Variants in CTCFL observed in about 807,000 individuals in gnomAD.
The protein encoded by CTCFL is CCCTC-binding factor like.
Under a neutral mutation model 67.4 loss-of-function variants are expected in CTCFL, and 36 were observed. The observed-to-expected ratio is 0.53, with a 90% confidence interval of 0.41 to 0.71. The LOEUF is 0.71. Ranked by LOEUF, CTCFL falls within the 30% of genes least tolerant of loss-of-function variation. CTCFL has a pLI of 0.00. For missense variants in CTCFL, 786 were observed against 835.2 expected, an observed-to-expected ratio of 0.94 and a Z score of 0.73; for synonymous variants, 324 against 302.3, an observed-to-expected ratio of 1.07 and a Z score of -0.75.
chr20:57,510,387 A>T (rs1184668617), intron 8 of CTCFL, among the ~76,000 whole-genome samples: 2 of 152,226 alleles, frequency 1.3e-5, no homozygotes, highest in Non-Finnish European at 2.9e-5. Flanking sequence ...CCAACTACAT[A>T]TTATTTCTGT....
intron 10 of CTCFL, among the ~76,000 whole-genome samples, chr20:57,499,090 G>GGGGGGGGA: frequency 7.6e-6 from 1 of 130,726 alleles, no homozygotes; most frequent in Non-Finnish European, 1.7e-5. Flanking sequence ...GGGGTGGGGG[G>GGGGGGGGA]GGGACACAGT....
At position 57,503,546 on chromosome 20, in the gene CTCFL, G is replaced by A. The variant is rs1463380537; in HGVS notation, c.1730C>T (p.Ala577Val). The change falls in exon 10 of 11, where the codon GCT becomes GTT. Residue 577 changes from alanine (A) to valine (V), a missense_variant. Ala to Val is a moderately conservative substitution (Grantham distance 64, BLOSUM62 0). Coordinates refer to ENST00000243914, the MANE Select transcript of CTCFL (RefSeq NM_001386993.1). ...TCTTGTTCTTCTTCCCTTTCCTGAAGCAGCCGACTTTGCTTCCCCTGATCC... is the reference window on the plus strand; with the variant it reads ...TCTTGTTCTTCTTCCCTTTCCTGAAACAGCCGACTTTGCTTCCCCTGATCC... Reference protein sequence around the residue: ...KCGSGEAKSAASGKGRRTRKR... With the variant: ...KCGSGEAKSAVSGKGRRTRKR... The A allele has an allele frequency of 1.2e-5, 20 of 1,613,936 alleles. No homozygotes were observed. Among genetic ancestry groups the A allele is most frequent in the African/African-American group, 2.7e-5 (2 of 74,858 alleles).
chr20:57,500,085 ATTT>A (rs3068009), intron 10 of CTCFL: 304 of 922,992 alleles, frequency 3.3e-4, no homozygotes, highest in Non-Finnish European at 3.5e-4. Context: ...TCCTTGAAGT[ATTT>A]TTTTTTTTTT....
At chr20:57,496,163 T>C (rs77380266), downstream of CTCFL, 1,116 of 446,590 alleles carry the variant, frequency 2.5e-3, 8 homozygotes, top group African/African-American at 0.02. Flanking sequence ...CACCATCCGC[T>C]TGGTGCTGTC....
rs377178593 is a variant in CTCFL, at chr20:57,512,734, A to C, written c.1349T>G (p.Leu450Trp). Residue 450 changes from leucine to tryptophan, a missense_variant, in exon 8 of 11, where the codon TTG becomes TGG. By Grantham distance (61) the Leu-to-Trp change is moderately conservative. This residue lies in a region of CTCFL where 254 missense variants were observed against 333.9 expected (regional missense o/e 0.76). Transcript: ENST00000243914. ...CAGCTCTGCAGCGCTGTAAGCATGC[A>C]AGTTGCGCATATGCACACCTAAAAT... ...KSDLRVHMRN[L>W]HAYSAAELKC... 6.2e-7 allele frequency: 1 copy of C among 1,614,228 alleles called. No individual in the cohort carries two copies.
chr20:57,501,309 G>A (rs1246904747), intron 10 of CTCFL, among the ~76,000 whole-genome samples: 1 of 151,246 alleles, frequency 6.6e-6, no homozygotes, highest in Non-Finnish European at 1.5e-5. Context: ...GTCGCGCGAA[G>A]TGCTTTTATT....
At chr20:57,506,524 G>C (rs770937725) in intron 9 of CTCFL, among the ~76,000 whole-genome samples, 1 of 152,174 alleles carries the variant, frequency 6.6e-6, no homozygotes, top group Non-Finnish European at 1.5e-5. Context: ...GGCTGGTCTT[G>C]AACTGCTGAC....
At chr20:57,504,875 G>A (rs1178475563) in intron 9 of CTCFL, among the ~76,000 whole-genome samples, 1 of 151,972 alleles carries the variant, frequency 6.6e-6, no homozygotes, top group African/African-American at 2.4e-5. Context: ...CTTGCTGCAA[G>A]ATATCCTGCC....
intron 3 of CTCFL, among the ~76,000 whole-genome samples, chr20:57,520,989 CAG>C (rs2146443294): frequency 6.6e-6 from 1 of 152,296 alleles, no homozygotes; most frequent in South Asian, 2.1e-4. Flanking sequence ...ATAACAGAGG[CAG>C]AGATTGGAGG....
At chr20:57,509,057 A>G (rs2068386680) in intron 8 of CTCFL, among the ~76,000 whole-genome samples, 1 of 152,198 alleles carries the variant, frequency 6.6e-6, no homozygotes, top group South Asian at 2.1e-4. Context: ...GTGGGAGTAC[A>G]CACCGCAGGG....
intron 10 of CTCFL, 33 bp from the exon 11 acceptor site, chr20:57,498,734 C>T (rs1332196491): frequency 1.9e-6 from 3 of 1,579,872 alleles, no homozygotes; most frequent in Non-Finnish European, 1.7e-6. Context: ...GCAAATTTAT[C>T]AGAAAGCTAA....
chr20:57,524,803 C>G (rs2069739351), intron 1 of CTCFL: 1 of 974,226 alleles, frequency 1.0e-6, no homozygotes, highest in Admixed American at 6.3e-5. Flanking sequence ...CAGACTTGGC[C>G]AAGCAGCCCT....
intron 1 of CTCFL, 126 bp from the exon 2 acceptor site, chr20:57,524,342 G>A: frequency 6.7e-7 from 1 of 1,490,218 alleles, no homozygotes; most frequent in Non-Finnish European, 8.8e-7. Flanking sequence ...AAAAGGTTTT[G>A]GACTTAGTAG....
At chr20:57,519,976 A>G (rs954495218) in intron 3 of CTCFL, among the ~76,000 whole-genome samples, 1 of 152,208 alleles carries the variant, frequency 6.6e-6, no homozygotes, top group East Asian at 1.9e-4. Flanking sequence ...CAAAGGCCAC[A>G]TGGAGATAGT....
chr20:57,523,563 T>C, intron 2 of CTCFL, 100 bp downstream of exon 2: 1 of 1,476,024 alleles, frequency 6.8e-7, no homozygotes, highest in East Asian at 2.3e-5. Context: ...GTCTTTAATT[T>C]GCAACTGCAA....
chr20:57,502,809 G>A (rs1329199227), intron 10 of CTCFL, among the ~76,000 whole-genome samples: 1 of 152,134 alleles, frequency 6.6e-6, no homozygotes, highest in Non-Finnish European at 1.5e-5. Context: ...ACCCCTAAAG[G>A]GATATGTCCA....
chr20:57,497,969 A>AT lies in CTCFL; in HGVS notation c.*580dup, dbSNP rs537597245. Reference sequence around the variant, plus strand: ...GTTTTCCTTTTTATAAGAGTAAAACATTTTTTGGTTGAATTTAGAACTAAT... The same window carrying AT: ...GTTTTCCTTTTTATAAGAGTAAAACATTTTTTTGGTTGAATTTAGAACTAAT... On this transcript the variant is annotated 3_prime_UTR_variant, in exon 11 of 11. Coordinates refer to ENST00000243914, the MANE Select transcript of CTCFL (RefSeq NM_001386993.1). The AT allele has an allele frequency of 7.5e-6, 7 of 931,070 alleles. No homozygotes were observed. The highest frequency in any genetic ancestry group is 9.0e-6 in the Non-Finnish European group (7 of 780,734). The allele number at this position is 931,070 out of a possible 1,614,324, so 57.7% of individuals were successfully genotyped here. A position where few individuals can be genotyped will look rare whatever the true frequency, so the allele number is the denominator to read the frequency against.
At chr20:57,515,245 A>G (rs1020879588) in intron 6 of CTCFL, 7 of 168,314 alleles carry the variant, frequency 4.2e-5, no homozygotes, top group African/African-American at 1.7e-4. Context: ...CCTGGGTTCA[A>G]GTGATTCTCC....
chr20:57,523,097 T>G lies in CTCFL; in HGVS notation c.725A>C (p.Lys242Thr), dbSNP rs1257167481. 2 of 1,613,762 alleles carry G rather than the reference T, an allele frequency of 1.2e-6. No individual in the cohort carries two copies. Among genetic ancestry groups the G allele is most frequent in the East Asian group, 2.2e-5 (1 of 44,880 alleles). Residue 242 changes from lysine (K) to threonine (T), a missense_variant, in exon 3 of 11, where the codon AAA (lysine) becomes ACA (threonine). Coordinates refer to ENST00000243914, the MANE Select transcript of CTCFL (RefSeq NM_001386993.1). ...TGTCTTTCTTTGATTTTTTGTAGAT[T>G]TGGCCTTTTCAGCATCTGCTTGACC... Reference protein sequence around the residue: ...TAGQADAEKAKSTKNQRKTKG... With the variant: ...TAGQADAEKATSTKNQRKTKG...
Sources: allele counts gnomAD v4.1 joint callset (sites outside exome capture counted in the v4.1 genomes callset), GRCh38; gene constraint gnomAD v4.1.1; regional missense constraint gnomAD v4.1.1; transcripts MANE v1.5; gene names NCBI Gene and HGNC (gene_info 2026-07-23, HGNC 2026-07-21).